The following TULP4 variants were observed in gnomAD, a reference collection of about 807,000 sequenced individuals.
TULP4 encodes the protein tubby-related protein 4.
TULP4 carries 16 observed loss-of-function variants against 129.0 expected under a neutral mutation model. The ratio of observed to expected loss-of-function variants is 0.12; its 90% CI spans 0.08 to 0.19. The LOEUF is 0.19. Among genes scored for constraint, TULP4 ranks in the 10% least tolerant of loss-of-function variants. TULP4 has a pLI of 1.00. For synonymous variants in TULP4, 998 were observed against 854.0 expected (o/e 1.17, Z -2.94); for missense variants, 1,842 against 2,059.1 (o/e 0.89, Z 2.04).
chr6:158,251,416 T>C (rs1778136498), intron 1 of TULP4, among the ~76,000 whole-genome samples: 1 of 152,166 alleles, frequency 6.6e-6, no homozygotes, highest in Admixed American at 6.6e-5. Flanking sequence ...TAATTCTTAA[T>C]ATAACTAATA....
chr6:158,291,465 C>T (rs1272133827), intron 1 of TULP4, among the ~76,000 whole-genome samples: 8 of 152,164 alleles, frequency 5.3e-5, no homozygotes, highest in African/African-American at 1.9e-4. Context: ...CTTCTGAACT[C>T]TTCTCTTGGT....
chr6:158,467,929 T>C (rs997319939), intron 6 of TULP4, among the ~76,000 whole-genome samples: 4 of 152,204 alleles, frequency 2.6e-5, no homozygotes, highest in Admixed American at 6.5e-5. Flanking sequence ...GCCCATTACT[T>C]GGTGAGTTAT....
At chr6:158,504,574 T>C (rs1024896823) in intron 13 of TULP4, among the ~76,000 whole-genome samples, 5 of 151,394 alleles carry the variant, frequency 3.3e-5, no homozygotes, top group Non-Finnish European at 5.9e-5. Context: ...GCCAGGATGA[T>C]CTCGATCTCC....
At chr6:158,277,861 T>G (rs551812239), upstream of TULP4, among the ~76,000 whole-genome samples, 2 of 152,348 alleles carry the variant, frequency 1.3e-5, no homozygotes, top group South Asian at 4.2e-4. Context: ...TTTCTTTTTC[T>G]GGCAGCAGTA....
In TULP4 at chr6:158,327,375, T is replaced by A. The variant is rs541820445; in HGVS notation, c.252+13107T>A. 2.7e-4 allele frequency among the ~76,000 whole-genome samples: 41 copies of A among 152,308 alleles called. No individual in the cohort carries two copies. In the East Asian group the frequency reaches 6.7e-3, roughly 25 times the overall value. Reference sequence around the variant, plus strand: ...CTTCAGTTCCAGGGCTTTTTGGTTGTTGTTGCTTTAAGAATTACTACCCAC... The same window carrying A: ...CTTCAGTTCCAGGGCTTTTTGGTTGATGTTGCTTTAAGAATTACTACCCAC... On this transcript the variant is annotated intron_variant, in intron 1 of 13. Coordinates refer to ENST00000367097, the MANE Select transcript of TULP4 (RefSeq NM_020245.5).
At chr6:158,394,999 C>CACACTTT (rs1455000979) in intron 1 of TULP4, among the ~76,000 whole-genome samples, 1 of 151,944 alleles carries the variant, frequency 6.6e-6, no homozygotes, top group Non-Finnish European at 1.5e-5. Context: ...GGAAGTGCCA[C>CACACTTT]ACACTTTTAA....
Position 158,350,635 on chromosome 6 carries a change from G to C in TULP4, c.252+36367G>C, listed in dbSNP as rs550835039. On this transcript the variant is annotated intron_variant, in intron 1 of 13. Transcript: ENST00000367097. ...AGGCACTCGGCAGGCCGAGGCAGGAGAATCACGGGAGCCCGAGGCAGGGAG... is the reference window on the plus strand; with the variant it reads ...AGGCACTCGGCAGGCCGAGGCAGGACAATCACGGGAGCCCGAGGCAGGGAG... Among the ~76,000 whole-genome samples, 381 of 152,320 alleles carry C rather than the reference G, an allele frequency of 2.5e-3. 5 individuals are homozygous for C. The highest frequency in any genetic ancestry group is 8.9e-3 in the African/African-American group (368 of 41,564).
At chr6:158,382,882 G>A (rs1777360314) in intron 1 of TULP4, among the ~76,000 whole-genome samples, 2 of 152,172 alleles carry the variant, frequency 1.3e-5, no homozygotes, top group Non-Finnish European at 2.9e-5. Flanking sequence ...ATATTAATTA[G>A]AGCAATGCCC....
At chr6:158,375,773 A>G (rs1027835952) in intron 1 of TULP4, among the ~76,000 whole-genome samples, 4 of 152,242 alleles carry the variant, frequency 2.6e-5, no homozygotes, top group Non-Finnish European at 4.4e-5. Context: ...GTAAACTAAT[A>G]TATATAATAC....
At chr6:158,385,955 C>G (rs1334120727) in intron 1 of TULP4, among the ~76,000 whole-genome samples, 1 of 149,684 alleles carries the variant, frequency 6.7e-6, no homozygotes, top group East Asian at 1.9e-4. Context: ...AGCAATCCTC[C>G]TGCATCCGCC....
chr6:158,450,916 T>C (rs941537929), intron 4 of TULP4, among the ~76,000 whole-genome samples: 1 of 150,960 alleles, frequency 6.6e-6, no homozygotes, highest in South Asian at 2.1e-4. Flanking sequence ...AAAAAAAAAA[T>C]TAGCCAAGCA....
intron 1 of TULP4, among the ~76,000 whole-genome samples, chr6:158,291,289 T>G (rs186482057): frequency 6.6e-6 from 1 of 152,256 alleles, no homozygotes; most frequent in Non-Finnish European, 1.5e-5. Context: ...GTCTTCTTAT[T>G]TCACTCTAAT....
At chr6:158,419,323 C>T (rs1309926101) in intron 2 of TULP4, among the ~76,000 whole-genome samples, 3 of 152,118 alleles carry the variant, frequency 2.0e-5, no homozygotes, top group African/African-American at 7.2e-5. Flanking sequence ...GTAATATATC[C>T]ATTAATACCA....
At position 158,501,985 on chromosome 6, in the gene TULP4, C is replaced by G; in HGVS notation, c.2322C>G (p.Ser774=). The G allele has an allele frequency of 6.2e-7, 1 of 1,613,702 alleles. No individual in the cohort carries two copies. The highest frequency in any genetic ancestry group is 1.3e-5 in the African/African-American group (1 of 74,970). ...TCATTCAGAACCCCCCTCCACTGTC[C>G]CTGCCTCCCCCGCCGCAGGGGCCCA... ...GRIIQNPPPL[S]LPPPPQGPMQ... The change falls in exon 13 of 14, where the codon TCC becomes TCG. Residue 774 remains serine, a synonymous_variant. Transcript: ENST00000367097.
chr6:158,431,285 C>T (rs767284890), intron 3 of TULP4, among the ~76,000 whole-genome samples: 4 of 152,170 alleles, frequency 2.6e-5, no homozygotes, highest in South Asian at 2.1e-4. Context: ...TATTTCCTGC[C>T]TAATCCCCAG....
intron 1 of TULP4, among the ~76,000 whole-genome samples, chr6:158,368,402 C>T (rs1394104590): frequency 2.0e-5 from 3 of 152,110 alleles, no homozygotes; most frequent in African/African-American, 7.2e-5. Context: ...TCCAAGGTTC[C>T]AGCGATTCTC....
At chr6:158,305,205 T>C (rs1397308837) in intron 1 of TULP4, among the ~76,000 whole-genome samples, 1 of 152,102 alleles carries the variant, frequency 6.6e-6, no homozygotes, top group Non-Finnish European at 1.5e-5. Flanking sequence ...TCATAAGGTA[T>C]TGGTCTTTTT....
chr6:158,502,141 C>T lies in TULP4; in HGVS notation c.2478C>T (p.Val826=). The T allele has an allele frequency of 6.2e-7, 1 of 1,603,716 alleles. No individual in the cohort carries two copies. The highest frequency in any genetic ancestry group is 8.5e-7 in the Non-Finnish European group (1 of 1,175,106). The change falls in exon 13 of 14, where the codon GTC becomes GTT. Residue 826 remains valine (V), a synonymous_variant. Coordinates refer to ENST00000367097, the MANE Select transcript of TULP4 (RefSeq NM_020245.5). ...TGGTCTTTAGTGCCCCCCAGGAGGTCCAGGTGACGAAGATAAACCCTCCAC... is the reference window on the plus strand; with the variant it reads ...TGGTCTTTAGTGCCCCCCAGGAGGTTCAGGTGACGAAGATAAACCCTCCAC... ...DAVVFSAPQE[V]QVTKINPPPP... is the part of the protein sequence containing the mutation.
intron 7 of TULP4, among the ~76,000 whole-genome samples, chr6:158,480,309 T>C (rs111441031): frequency 2.6e-5 from 4 of 152,358 alleles, no homozygotes; most frequent in African/African-American, 7.2e-5. Context: ...ATCTGTCTTG[T>C]TCAGTCCTGA....
Sources: gnomAD v4.1 joint callset for allele counts (sites outside exome capture counted in the v4.1 genomes callset) on GRCh38, gnomAD v4.1.1 for gene constraint, MANE v1.5 for transcripts, NCBI Gene and HGNC (gene_info 2026-07-23, HGNC 2026-07-21) for gene names.